Variants in FUT8 observed in about 807,000 individuals in gnomAD.
FUT8 encodes the protein alpha-(1,6)-fucosyltransferase.
A neutral mutation model predicts 71.3 loss-of-function variants in FUT8; 29 were observed. That is an observed-to-expected ratio of 0.41 (90% confidence interval 0.30 to 0.55). FUT8 has a LOEUF of 0.55. FUT8 is among the 20% of genes least tolerant of loss of function. The probability of loss-of-function intolerance (pLI) is 0.34; values close to 1 mark genes in which losing one functional copy is unlikely to be tolerated. For synonymous variants in FUT8, 254 were observed against 239.3 expected (o/e 1.06, Z -0.57); for missense variants, 544 against 702.1 (o/e 0.77, Z 2.55).
chr14:65,633,695 G>A (rs1015105436), intron 6 of FUT8, among the ~76,000 whole-genome samples: 16 of 147,974 alleles, frequency 1.1e-4, no homozygotes, highest in Non-Finnish European at 1.0e-4. Context: ...GGTGAGGAGC[G>A]TCTCTGCCCG....
the FUT8 span, among the ~76,000 whole-genome samples, chr14:65,392,685 C>T: frequency 0.012 from 1,896 of 152,202 alleles, 17 homozygotes; most frequent in South Asian, 0.024. Context: ...ATAATAGGAG[C>T]GAAAACATTA....
At chr14:65,557,641 C>CT (rs1647330978) in intron 2 of FUT8, among the ~76,000 whole-genome samples, 1 of 120,530 alleles carries the variant, frequency 8.3e-6, no homozygotes, top group Non-Finnish European at 2.0e-5. Flanking sequence ...AATTTTGTCT[C>CT]TTAAAAAAAA....
intron 6 of FUT8, among the ~76,000 whole-genome samples, chr14:65,650,725 A>C (rs866311172): frequency 6.8e-4 from 103 of 150,742 alleles, no homozygotes; most frequent in Admixed American, 3.6e-3. Flanking sequence ...AAAAAAAAAA[A>C]AAAACAAAAA....
chr14:65,418,456 A>C (rs2065249605), intron 1 of FUT8, among the ~76,000 whole-genome samples: 1 of 152,250 alleles, frequency 6.6e-6, no homozygotes. Context: ...AACTATAATA[A>C]AAGCATTGTA....
intron 2 of FUT8, among the ~76,000 whole-genome samples, chr14:65,484,178 T>C (rs1279121269): frequency 6.6e-6 from 1 of 152,240 alleles, no homozygotes; most frequent in Non-Finnish European, 1.5e-5. Flanking sequence ...AAAGCATGTC[T>C]TTTGTGAATA....
At chr14:65,516,502 T>C (rs1453102143) in intron 2 of FUT8, 2 of 152,170 alleles carry the variant, frequency 1.3e-5, no homozygotes, top group South Asian at 2.1e-4. Context: ...ATTAAAGATA[T>C]TGCTAAAATT....
In FUT8 at chr14:65,489,989, T is replaced by G. The variant is rs1295382062; in HGVS notation, c.-228+34271T>G. Among the ~76,000 whole-genome samples, 2 of 152,230 alleles carry G rather than the reference T, an allele frequency of 1.3e-5. No individual in the cohort carries two copies. Among genetic ancestry groups the G allele is most frequent in the East Asian group, 1.9e-4 (1 of 5,194 alleles). Reference sequence around the variant, plus strand: ...CAGGGCAAAAATAATAAAATATTAATTATATAGTCAAAAATAGCTTTTAAC... The same window carrying G: ...CAGGGCAAAAATAATAAAATATTAAGTATATAGTCAAAAATAGCTTTTAAC... On this transcript the variant is annotated intron_variant, in intron 2 of 10. Transcript: ENST00000673929. The surrounding 1 kb of genome is among the most constrained non-coding windows in gnomAD (Gnocchi z 4.0).
intron 3 of FUT8, among the ~76,000 whole-genome samples, chr14:65,593,048 A>C (rs756765913): frequency 7.9e-5 from 12 of 152,162 alleles, no homozygotes; most frequent in Admixed American, 6.5e-5. Context: ...ATTTCTTTCT[A>C]TAATACTAGT....
intron 2 of FUT8, among the ~76,000 whole-genome samples, chr14:65,478,608 G>C (rs1012667156): frequency 5.9e-5 from 9 of 152,104 alleles, no homozygotes; most frequent in East Asian, 1.9e-4. Flanking sequence ...TTAGTTGGGA[G>C]GCTACTAGGC....
rs78398160 is a variant in FUT8, at chr14:65,427,277, A to G, written c.-326+14063A>G. Among the ~76,000 whole-genome samples, 759 of 152,282 alleles carry G rather than the reference A, an allele frequency of 5.0e-3. 3 individuals carry two copies. The highest frequency in any genetic ancestry group is 7.2e-3 in the Non-Finnish European group (487 of 68,022). ...ATTGGAGTGCAGATACCTCCTTGAC[A>G]TACTGATTTCATTTCCTTTGGATGT... On this transcript the variant is annotated intron_variant, in intron 1 of 10. Transcript: ENST00000673929.
intron 2 of FUT8, among the ~76,000 whole-genome samples, chr14:65,494,062 A>G (rs1594696806): frequency 6.6e-6 from 1 of 152,170 alleles, no homozygotes; most frequent in African/African-American, 2.4e-5. Flanking sequence ...TGATCTTTGT[A>G]TAGTTTAGTA....
intron 1 of FUT8, among the ~76,000 whole-genome samples, chr14:65,418,112 C>T (rs995368624): frequency 7.9e-5 from 12 of 152,148 alleles, no homozygotes; most frequent in African/African-American, 2.9e-4. Flanking sequence ...CACATGAAGA[C>T]GGTTAGAATT....
chr14:65,674,491 A>G (rs927025881), intron 7 of FUT8, among the ~76,000 whole-genome samples: 2 of 152,228 alleles, frequency 1.3e-5, no homozygotes, highest in African/African-American at 4.8e-5. Context: ...GATGAAAATC[A>G]TGCCTTTATA....
At chr14:65,390,198 A>G in the FUT8 span, among the ~76,000 whole-genome samples, 1 of 151,046 alleles carries the variant, frequency 6.6e-6, no homozygotes, top group African/African-American at 2.4e-5. Context: ...ATATATGTAT[A>G]TATACAGTAT....
chr14:65,358,953 C>T, the FUT8 span, among the ~76,000 whole-genome samples: 16 of 152,334 alleles, frequency 1.1e-4, no homozygotes, highest in Middle Eastern at 3.4e-3. Flanking sequence ...TTCTCCTACA[C>T]AACCAGAACA....
intron 6 of FUT8, among the ~76,000 whole-genome samples, chr14:65,640,795 G>A (rs1187213915): frequency 2.0e-5 from 3 of 152,034 alleles, no homozygotes; most frequent in Non-Finnish European, 4.4e-5. Flanking sequence ...CCAGAGCCTG[G>A]AACAGTGCCT....
At chr14:65,373,912 G>GGATTCCT in the FUT8 span, among the ~76,000 whole-genome samples, 1 of 152,146 alleles carries the variant, frequency 6.6e-6, no homozygotes, top group Admixed American at 6.5e-5. Context: ...TGCAGGAGTG[G>GGATTCCT]GGCACGGACA....
In FUT8 at chr14:65,638,452, AAGAG is replaced by A. The variant is rs1055037348; in HGVS notation, c.597+8849_597+8852del. ...TTATTTTTCTTTTTTTTTTGAGAGA[AAGAG>A]AGGAAAAAAGGTGTGAAAATGGAAA... On this transcript the variant is annotated intron_variant, in intron 6 of 10. Coordinates refer to ENST00000673929, the MANE Select transcript of FUT8 (RefSeq NM_001371533.1). The surrounding 1 kb of genome is among the most constrained non-coding windows in gnomAD (Gnocchi z 4.5). Among the ~76,000 whole-genome samples the A allele has an allele frequency of 1.8e-4, 28 of 152,202 alleles. No individual in the cohort carries two copies. Among genetic ancestry groups the A allele is most frequent in the Admixed American group, 1.8e-3 (27 of 15,294 alleles).
At chr14:65,534,375 G>C (rs1267115799) in intron 2 of FUT8, among the ~76,000 whole-genome samples, 1 of 151,504 alleles carries the variant, frequency 6.6e-6, no homozygotes, top group Admixed American at 6.6e-5. Flanking sequence ...CTCTTTCTTT[G>C]TTGTATGTCT....
Sources: allele counts gnomAD v4.1 joint callset (sites outside exome capture counted in the v4.1 genomes callset), GRCh38; gene constraint gnomAD v4.1.1; non-coding constraint Gnocchi (gnomAD v3.1); transcripts MANE v1.5; gene names NCBI Gene and HGNC (gene_info 2026-07-23, HGNC 2026-07-21).